Variants in OSBPL9 observed in about 807,000 individuals in gnomAD.
OSBPL9 encodes oxysterol binding protein like 9.
OSBPL9 carries 40 observed loss-of-function variants against 106.6 expected under a neutral mutation model. The observed-to-expected ratio is 0.38, with a 90% CI of 0.29 to 0.49. OSBPL9 has a LOEUF of 0.49. Ranked by LOEUF, OSBPL9 falls within the 20% of genes least tolerant of loss-of-function variation. The pLI is 0.97. For missense variants in OSBPL9, 609 were observed against 887.2 expected (o/e 0.69, Z 3.98); for synonymous variants, 269 against 295.4 (o/e 0.91, Z 0.92).
At chr1:51,636,302 A>G (rs1570695526) in intron 1 of OSBPL9, among the ~76,000 whole-genome samples, 5 of 149,248 alleles carry the variant, frequency 3.4e-5, no homozygotes, top group Admixed American at 3.3e-4. Flanking sequence ...CTAGGAATAT[A>G]GGCATTTGCC....
chr1:51,720,838 C>T (rs375372493), intron 4 of OSBPL9, among the ~76,000 whole-genome samples: 5 of 99,704 alleles, frequency 5.0e-5, no homozygotes, highest in East Asian at 2.9e-4. Context: ...CATTCTGTTT[C>T]CCAGGTTGGA....
intron 5 of OSBPL9, among the ~76,000 whole-genome samples, chr1:51,746,050 C>G (rs571877181): frequency 2.0e-5 from 3 of 152,324 alleles, no homozygotes; most frequent in Non-Finnish European, 4.4e-5. Flanking sequence ...CAACCTCCGC[C>G]TCCCGGGTTC....
chr1:51,767,249 T>C lies in OSBPL9; in HGVS notation c.938+1268T>C, dbSNP rs145183036. Among the ~76,000 whole-genome samples the C allele has an allele frequency of 6.4e-3, 970 of 151,082 alleles. 7 individuals carry two copies. The highest frequency in any genetic ancestry group is 0.011 in the Non-Finnish European group (757 of 67,656). ...TCTCTAAAAAAATACAAAAATTAGC[T>C]GAGTGTGGTGGCACACGCCTGTCGT... On this transcript the variant is annotated intron_variant, in intron 12 of 23. Coordinates refer to ENST00000428468, the MANE Select transcript of OSBPL9 (RefSeq NM_024586.6).
chr1:51,560,720 TC>T, the OSBPL9 span, among the ~76,000 whole-genome samples: 1 of 152,110 alleles, frequency 6.6e-6, no homozygotes, highest in African/African-American at 2.4e-5. Flanking sequence ...GGCGTATTGG[TC>T]CCCTCCTTTT....
At chr1:51,684,352 C>G (rs1294119385) in intron 3 of OSBPL9, among the ~76,000 whole-genome samples, 1 of 152,004 alleles carries the variant, frequency 6.6e-6, no homozygotes, top group African/African-American at 2.4e-5. Context: ...GTACTGTATT[C>G]TTGCAAATTG....
chr1:51,740,520 T>C (rs1666676283), intron 4 of OSBPL9, among the ~76,000 whole-genome samples: 1 of 152,098 alleles, frequency 6.6e-6, no homozygotes. Flanking sequence ...TACTGATAAC[T>C]TACCTGTTTT....
intron 1 of OSBPL9, among the ~76,000 whole-genome samples, chr1:51,592,264 G>A (rs58708260): frequency 0.013 from 1,934 of 151,850 alleles, 30 homozygotes; most frequent in African/African-American, 0.045. Context: ...ACAGGCGCCC[G>A]CCACCACACC....
chr1:51,630,808 G>A (rs1645060450), intron 1 of OSBPL9, among the ~76,000 whole-genome samples: 1 of 151,840 alleles, frequency 6.6e-6, no homozygotes, highest in Non-Finnish European at 1.5e-5. Context: ...TGACTCCTTC[G>A]TATTGACACT....
At chr1:51,659,915 C>G (rs909059982) in intron 2 of OSBPL9, among the ~76,000 whole-genome samples, 5 of 151,914 alleles carry the variant, frequency 3.3e-5, no homozygotes, top group Non-Finnish European at 7.4e-5. Context: ...ACTTGCCACT[C>G]CAGATATTAA....
rs1673514972 is a variant in OSBPL9 at position 51,770,070 on chromosome 1, A to G, written c.939-2000A>G. ...ACTATAGCCTCAACCTCATGGGCTC[A>G]AGTGATCCTCCCACCTCAGCCGCCC... On this transcript the variant is annotated intron_variant, in intron 12 of 23. Transcript: ENST00000428468. Among the ~76,000 whole-genome samples the G allele has an allele frequency of 3.3e-5, 5 of 152,112 alleles. No homozygotes were observed. The South Asian group carries it at 1.0e-3, about 32-fold the overall frequency.
At chr1:51,752,630 C>T (rs1669509096) in intron 8 of OSBPL9, 1 of 447,574 alleles carries the variant, frequency 2.2e-6, no homozygotes, top group South Asian at 1.6e-5. Context: ...TTCTGGAAGC[C>T]AGAAGTCCAA....
At chr1:51,561,723 T>C in the OSBPL9 span, 5 of 152,166 alleles carry the variant, frequency 3.3e-5, no homozygotes, top group Admixed American at 2.6e-4. Flanking sequence ...TTTAGTAACT[T>C]ATAATTATTA....
chr1:51,705,144 C>T (rs897360678), intron 3 of OSBPL9, among the ~76,000 whole-genome samples: 8 of 151,488 alleles, frequency 5.3e-5, no homozygotes, highest in South Asian at 2.1e-4. Context: ...GATGGTATGT[C>T]TGAAAATCAC....
chr1:51,658,119 A>G (rs1646926504), intron 2 of OSBPL9, among the ~76,000 whole-genome samples: 1 of 151,994 alleles, frequency 6.6e-6, no homozygotes, highest in Non-Finnish European at 1.5e-5. Context: ...AAGAAAAAAA[A>G]AAAAAAAGTA....
intron 3 of OSBPL9, among the ~76,000 whole-genome samples, chr1:51,676,638 G>A (rs1419217340): frequency 1.9e-4 from 26 of 138,604 alleles, no homozygotes; most frequent in South Asian, 4.5e-4. Context: ...CAGCCTGGCC[G>A]ACAGAGCAAG....
the OSBPL9 span, chr1:51,519,435 G>A: frequency 2.7e-5 from 5 of 182,928 alleles, no homozygotes; most frequent in African/African-American, 7.1e-5. Context: ...CCGCGGCGCC[G>A]CCCAAACCCT....
At chr1:51,625,122 T>G (rs1644691830) in intron 1 of OSBPL9, among the ~76,000 whole-genome samples, 1 of 152,218 alleles carries the variant, frequency 6.6e-6, no homozygotes, top group Non-Finnish European at 1.5e-5. Flanking sequence ...TTTTGTTTAG[T>G]CATCCAGAGC....
chr1:51,526,217 T>A, the OSBPL9 span, among the ~76,000 whole-genome samples: 2 of 152,266 alleles, frequency 1.3e-5, no homozygotes, highest in South Asian at 4.1e-4. Flanking sequence ...CTTATTATTT[T>A]CCTGGTTAAA....
the OSBPL9 span, among the ~76,000 whole-genome samples, chr1:51,570,982 C>T: frequency 4.8e-4 from 73 of 152,150 alleles, 1 homozygote; most frequent in African/African-American, 1.5e-3. Context: ...CCACCACGCC[C>T]GGCTAATTTT....
Sources: gnomAD v4.1 joint callset for allele counts (sites outside exome capture counted in the v4.1 genomes callset) on GRCh38, gnomAD v4.1.1 for gene constraint, MANE v1.5 for transcripts, NCBI Gene and HGNC (gene_info 2026-07-23, HGNC 2026-07-21) for gene names.